Variants in SATB2 observed in about 807,000 individuals in gnomAD.
The protein encoded by SATB2 is SATB homeobox 2.
SATB2 carries 1 observed loss-of-function variant against 73.4 expected under a neutral mutation model. The observed-to-expected ratio is 0.01, with a 90% CI of 0.00 to 0.06. SATB2 has a LOEUF of 0.06. Among genes scored for constraint, SATB2 ranks in the 10% least tolerant of loss-of-function variants. The pLI is 1.00. For synonymous variants in SATB2, 397 were observed against 367.0 expected (o/e 1.08, Z -0.93); for missense variants, 459 against 945.8 (o/e 0.49, Z 6.75).
chr2:199,308,761 T>C lies in SATB2; in HGVS notation c.1739A>G (p.Gln580Arg). The C allele has an allele frequency of 1.2e-6, 2 of 1,613,946 alleles. No individual in the cohort carries two copies. The highest frequency in any genetic ancestry group is 1.7e-6 in the Non-Finnish European group (2 of 1,179,878). The change falls in exon 10 of 11, where the codon CAG becomes CGG. Residue 580 changes from glutamine (Q) to arginine (R), a missense_variant and splice_region_variant. By Grantham distance (43) the Gln-to-Arg change is conservative (BLOSUM62 1). Transcript: ENST00000417098. The surrounding 1 kb of genome is among the most constrained non-coding windows in gnomAD (Gnocchi z 4.6). ...HVVQLPPEPV[Q>R]VLHRQQSQPA... is the part of the protein sequence containing the mutation. Reference sequence around the variant, plus strand: ...GGTACGGCGGTCGGGGACACTGACCTGCACCGGCTCAGGGGGAAGCTGGAC... The same window carrying C: ...GGTACGGCGGTCGGGGACACTGACCCGCACCGGCTCAGGGGGAAGCTGGAC...
intron 5 of SATB2, among the ~76,000 whole-genome samples, chr2:199,371,936 A>C (rs1361800533): frequency 6.6e-6 from 1 of 152,204 alleles, no homozygotes; most frequent in Non-Finnish European, 1.5e-5. Context: ...ATCGCTTTGC[A>C]TGGTGGTGGG....
intron 3 of SATB2, among the ~76,000 whole-genome samples, chr2:199,391,469 A>G (rs1459649531): frequency 2.6e-5 from 4 of 151,238 alleles, no homozygotes; most frequent in Non-Finnish European, 5.9e-5. Context: ...ACAAAAAACG[A>G]GTATTTTAAT....
At chr2:199,377,092 A>C (rs931512185) in intron 5 of SATB2, among the ~76,000 whole-genome samples, 4 of 152,188 alleles carry the variant, frequency 2.6e-5, no homozygotes, top group South Asian at 2.1e-4. Context: ...TTTAAAACAC[A>C]GGGGCCAGGA....
chr2:199,285,233 T>C (rs754957607), intron 10 of SATB2, among the ~76,000 whole-genome samples: 2 of 152,036 alleles, frequency 1.3e-5, no homozygotes, highest in Admixed American at 6.5e-5. Flanking sequence ...TCACACTCAA[T>C]AGTAAAAACA....
chr2:199,394,713 A>C (rs62178606), intron 3 of SATB2, among the ~76,000 whole-genome samples: 13,623 of 152,186 alleles, frequency 0.09, 679 homozygotes, highest in Middle Eastern at 0.22. Flanking sequence ...ACAGAGTGAG[A>C]CCCTGCCTCT....
At chr2:199,441,045 C>G (rs1574632473) in intron 2 of SATB2, among the ~76,000 whole-genome samples, 1 of 152,104 alleles carries the variant, frequency 6.6e-6, no homozygotes, top group East Asian at 1.9e-4. Flanking sequence ...CAGGGTTTCT[C>G]CATGTTGGTC....
In SATB2 at chr2:199,345,506, A is replaced by G. The variant is rs1346922818; in HGVS notation, c.1173+3195T>C. 4.7e-5 allele frequency among the ~76,000 whole-genome samples: 7 copies of G among 149,266 alleles called. No individual in the cohort carries two copies. In the Admixed American group the frequency reaches 4.7e-4, roughly 10 times the overall value. On this transcript the variant is annotated intron_variant, in intron 7 of 10. Coordinates refer to ENST00000417098, the MANE Select transcript of SATB2 (RefSeq NM_001172509.2). ...CAACACTTCAACGTCAAAATAACCC[A>G]ATCTAAAACTATCACTTTAACCTTA...
At chr2:199,276,348 T>C (rs2105714011) in intron 10 of SATB2, among the ~76,000 whole-genome samples, 1 of 152,296 alleles carries the variant, frequency 6.6e-6, no homozygotes. Flanking sequence ...AACTGATATT[T>C]CGATTTGGTG....
intron 6 of SATB2, among the ~76,000 whole-genome samples, chr2:199,352,110 G>T (rs886574728): frequency 3.9e-5 from 6 of 152,194 alleles, no homozygotes; most frequent in Non-Finnish European, 7.3e-5. Context: ...CTGACCTCAG[G>T]TGATCCACCT....
At chr2:199,458,501 C>T (rs1692366731), upstream of SATB2, 2 of 378,260 alleles carry the variant, frequency 5.3e-6, no homozygotes, top group Non-Finnish European at 5.2e-6. Flanking sequence ...CGTCTGGGCG[C>T]AGGCGGGCAC....
intron 10 of SATB2, among the ~76,000 whole-genome samples, chr2:199,273,038 A>G (rs1692206397): frequency 1.3e-5 from 2 of 152,144 alleles, no homozygotes; most frequent in Non-Finnish European, 2.9e-5. Context: ...AGGGGAAAGT[A>G]TGGACTCTAT....
intron 7 of SATB2, 195 bp downstream of exon 7, chr2:199,348,506 T>C: frequency 1.6e-6 from 1 of 622,486 alleles, no homozygotes; most frequent in South Asian, 1.9e-5. Flanking sequence ...CTCATCAAAA[T>C]TAATCAATTA....
At chr2:199,339,800 T>C (rs1688451802) in intron 7 of SATB2, among the ~76,000 whole-genome samples, 1 of 152,174 alleles carries the variant, frequency 6.6e-6, no homozygotes, top group South Asian at 2.1e-4. Flanking sequence ...TGGCTAACAA[T>C]ATGTATAACT....
chr2:199,418,264 C>T (rs1691054662), intron 3 of SATB2, among the ~76,000 whole-genome samples: 1 of 152,136 alleles, frequency 6.6e-6, no homozygotes, highest in Admixed American at 6.6e-5. Flanking sequence ...AGATGAAAGG[C>T]CCGGCAGTCA....
At chr2:199,299,531 C>T (rs746265120) in intron 10 of SATB2, among the ~76,000 whole-genome samples, 1 of 152,078 alleles carries the variant, frequency 6.6e-6, no homozygotes, top group Non-Finnish European at 1.5e-5. Context: ...AATTTACAGT[C>T]TGAATTTTAG....
chr2:199,277,060 C>T (rs571839714), intron 10 of SATB2, among the ~76,000 whole-genome samples: 13 of 152,052 alleles, frequency 8.5e-5, no homozygotes, highest in African/African-American at 2.9e-4. Flanking sequence ...ATATGAAAGA[C>T]CAAAAACTGT....
Position 199,349,090 on chromosome 2 carries a change from C to G in SATB2, c.784G>C (p.Ala262Pro). ...PMHLPNMNQL[A>P]SLGKTNEQSP... ...TGTTCGTTGGTTTTCCCCAGGGATG[C>G]CAGCTGGTTCATATTTGGTAAATGC... The change falls in exon 7 of 11, where the codon GCA becomes CCA. Residue 262 changes from alanine to proline, a missense_variant. Physicochemically the swap from Ala to Pro is conservative, Grantham distance 27 (BLOSUM62 -1). This residue lies in a region of SATB2 where 77 missense variants were observed against 90.4 expected (regional missense o/e 0.85). Transcript: ENST00000417098. The G allele has an allele frequency of 6.2e-7, 1 of 1,614,030 alleles. No individual in the cohort carries two copies.
At chr2:199,314,403 T>C (rs1687674885) in intron 9 of SATB2, among the ~76,000 whole-genome samples, 1 of 151,342 alleles carries the variant, frequency 6.6e-6, no homozygotes, top group Non-Finnish European at 1.5e-5. Flanking sequence ...GTTCTAAGGT[T>C]TGTTTCCCTA....
At chr2:199,390,888 C>G (rs1482343378) in intron 3 of SATB2, among the ~76,000 whole-genome samples, 1 of 152,128 alleles carries the variant, frequency 6.6e-6, no homozygotes, top group African/African-American at 2.4e-5. Context: ...GTGTTTCCTA[C>G]AGTTTACGGT....
Sources: allele counts gnomAD v4.1 joint callset (sites outside exome capture counted in the v4.1 genomes callset), GRCh38; gene constraint gnomAD v4.1.1; regional missense constraint gnomAD v4.1.1; non-coding constraint Gnocchi (gnomAD v3.1); transcripts MANE v1.5; gene names NCBI Gene and HGNC (gene_info 2026-07-23, HGNC 2026-07-21).